The following TG variants were observed in gnomAD, a reference collection of about 807,000 sequenced individuals.
The protein encoded by TG is thyroglobulin.
TG carries 270 observed loss-of-function variants against 324.7 expected under a neutral mutation model. The ratio of observed to expected loss-of-function variants is 0.83; its 90% CI spans 0.75 to 0.92. TG has a LOEUF of 0.92. Ranked by LOEUF, TG falls within the 40% of genes least tolerant of loss-of-function variation. The probability of loss-of-function intolerance (pLI) is 0.00; values close to 1 mark genes in which losing one functional copy is unlikely to be tolerated. For synonymous variants in TG, 1,401 were observed against 1,327.0 expected (o/e 1.06, Z -1.21); for missense variants, 3,591 against 3,456.4 (o/e 1.04, Z -0.98).
At chr8:132,940,684 C>G (rs557583135) in intron 25 of TG, among the ~76,000 whole-genome samples, 8 of 152,328 alleles carry the variant, frequency 5.3e-5, no homozygotes, top group Non-Finnish European at 5.9e-5. Context: ...CTGCAATGGT[C>G]ACTTTGAAGA....
chr8:132,998,813 G>A (rs892693502), intron 35 of TG, among the ~76,000 whole-genome samples: 1 of 152,182 alleles, frequency 6.6e-6, no homozygotes, highest in Admixed American at 6.5e-5. Flanking sequence ...GAGGCAGTTG[G>A]CTGGAATGGA....
chr8:132,931,922 T>C (rs904814866), intron 23 of TG, among the ~76,000 whole-genome samples: 7 of 151,950 alleles, frequency 4.6e-5, no homozygotes, highest in African/African-American at 1.7e-4. Context: ...TACAAAAAAA[T>C]AAAAATAATA....
intron 27 of TG, among the ~76,000 whole-genome samples, chr8:132,953,588 A>C (rs1826417627): frequency 6.6e-6 from 1 of 152,162 alleles, no homozygotes; most frequent in African/African-American, 2.4e-5. Context: ...ACCAGCCCCC[A>C]ACAAACAAAC....
intron 24 of TG, among the ~76,000 whole-genome samples, chr8:132,934,562 A>T (rs141383851): frequency 1.6e-3 from 245 of 151,988 alleles, no homozygotes; most frequent in African/African-American, 5.6e-3. Context: ...CATAAACACG[A>T]GCTCTTCTCA....
intron 35 of TG, among the ~76,000 whole-genome samples, chr8:132,993,673 C>A (rs953101958): frequency 6.6e-6 from 1 of 152,130 alleles, no homozygotes; most frequent in African/African-American, 2.4e-5. Flanking sequence ...CAAATGTTTG[C>A]TGAATGGTTA....
chr8:132,968,000 G>GT (rs1564016797), intron 31 of TG, 30 bp downstream of exon 31: 6 of 1,610,184 alleles, frequency 3.7e-6, no homozygotes, highest in Non-Finnish European at 5.1e-6. Context: ...TGCATAAACT[G>GT]TATTTCCAAT....
At chr8:132,988,015 A>C (rs980046995) in intron 35 of TG, among the ~76,000 whole-genome samples, 2 of 151,116 alleles carry the variant, frequency 1.3e-5, no homozygotes, top group Non-Finnish European at 2.9e-5. Flanking sequence ...GGGGGAGCAG[A>C]ATTCTTTCTT....
chr8:132,919,561 C>T (rs1234429179), intron 21 of TG, 36 bp downstream of exon 21: 6 of 1,611,696 alleles, frequency 3.7e-6, no homozygotes, highest in East Asian at 2.2e-5. Flanking sequence ...AAAGAAAAGC[C>T]CTGCAATGAA....
intron 27 of TG, among the ~76,000 whole-genome samples, chr8:132,951,027 T>A (rs1826030029): frequency 6.6e-6 from 1 of 152,196 alleles, no homozygotes; most frequent in African/African-American, 2.4e-5. Context: ...GGCTGGGATC[T>A]GAAACCCAGC....
At chr8:133,110,517 G>A (rs922649978) in intron 43 of TG, among the ~76,000 whole-genome samples, 7 of 152,272 alleles carry the variant, frequency 4.6e-5, no homozygotes, top group Admixed American at 2.0e-4. Context: ...GATACACATA[G>A]CATTTTTTAA....
At chr8:133,068,074 A>G (rs182902142) in intron 41 of TG, among the ~76,000 whole-genome samples, 6 of 152,202 alleles carry the variant, frequency 3.9e-5, no homozygotes, top group African/African-American at 1.4e-4. Context: ...TTGATAGGAT[A>G]CCTCAATCCT....
intron 41 of TG, among the ~76,000 whole-genome samples, chr8:133,072,002 G>T (rs555108424): frequency 6.6e-6 from 1 of 152,168 alleles, no homozygotes; most frequent in Non-Finnish European, 1.5e-5. Context: ...GGCAAGAGGT[G>T]GTCCACTTCC....
At chr8:132,897,557 T>C in intron 11 of TG, 92 bp from the exon 12 acceptor site, 1 of 1,550,430 alleles carries the variant, frequency 6.4e-7, no homozygotes, top group Non-Finnish European at 8.9e-7. Flanking sequence ...GGCCTCCTTA[T>C]GTTGGAACCA....
rs554072337 is a variant in TG, at chr8:132,948,302, C to T, written c.5234-474C>T. On this transcript the variant is annotated intron_variant, in intron 26 of 47. Coordinates refer to ENST00000220616, the MANE Select transcript of TG (RefSeq NM_003235.5). ...GAGCAAGAGCGAGAGTGAGCGAGAG[C>T]GAGAGTGAGAGCGAGAGCGAGAGAG... Among the ~76,000 whole-genome samples, 7 of 150,668 alleles carry T rather than the reference C, an allele frequency of 4.6e-5. No individual in the cohort carries two copies. In the South Asian group the frequency reaches 8.5e-4, roughly 18 times the overall value.
chr8:133,111,149 C>G (rs944235806), intron 43 of TG, among the ~76,000 whole-genome samples: 2 of 152,234 alleles, frequency 1.3e-5, no homozygotes, highest in Non-Finnish European at 2.9e-5. Context: ...AACCACCCAT[C>G]CTTCCATGGG....
In TG at chr8:132,941,556, T is replaced by G; in HGVS notation, c.5233+14T>G. On this transcript the variant is annotated intron_variant, in intron 26 of 47. Coordinates refer to ENST00000220616, the MANE Select transcript of TG (RefSeq NM_003235.5). The stretch of plus-strand genomic sequence containing the variant: ...AGGTTCAAGGAGGTAATGTTGGCAG[T>G]GAGGGCCAGGGCCTAACAAGGGATG... 4 of 1,614,046 alleles carry G rather than the reference T, an allele frequency of 2.5e-6. No homozygotes were observed. The highest frequency in any genetic ancestry group is 3.4e-6 in the Non-Finnish European group (4 of 1,180,010).
intron 10 of TG, among the ~76,000 whole-genome samples, chr8:132,890,221 C>G (rs1816033958): frequency 6.6e-6 from 1 of 152,004 alleles, no homozygotes. Flanking sequence ...TTCCTATCTT[C>G]CCTTCACATT....
chr8:133,106,731 G>A (rs764142552), intron 43 of TG, among the ~76,000 whole-genome samples: 1 of 152,114 alleles, frequency 6.6e-6, no homozygotes, highest in Non-Finnish European at 1.5e-5. Context: ...TTCTATGCAC[G>A]AATCTTGTTC....
intron 43 of TG, among the ~76,000 whole-genome samples, chr8:133,099,275 C>T (rs991993447): frequency 6.6e-6 from 1 of 152,224 alleles, no homozygotes; most frequent in Non-Finnish European, 1.5e-5. Flanking sequence ...TTAGACCGTT[C>T]GTTTCTGGCT....
Sources: gnomAD v4.1 joint callset for allele counts (sites outside exome capture counted in the v4.1 genomes callset) on GRCh38, gnomAD v4.1.1 for gene constraint, MANE v1.5 for transcripts, NCBI Gene and HGNC (gene_info 2026-07-23, HGNC 2026-07-21) for gene names.